The following USH2A variants were observed in gnomAD, a reference collection of about 807,000 sequenced individuals.
The protein encoded by USH2A is Usher syndrome 2A (autosomal recessive, mild).
In USH2A, 443 loss-of-function variants were observed where a neutral mutation model predicts 538.9. The ratio of observed to expected loss-of-function variants is 0.82; its 90% CI spans 0.76 to 0.89. The LOEUF is 0.89. USH2A is among the 40% of genes least tolerant of loss of function. The pLI is 0.00. For missense variants in USH2A, 6,633 were observed against 6,324.8 expected, an observed-to-expected ratio of 1.05 and a Z score of -1.65; for synonymous variants, 2,413 against 2,273.5, an observed-to-expected ratio of 1.06 and a Z score of -1.75.
intron 12 of USH2A, among the ~76,000 whole-genome samples, chr1:216,250,367 C>T (rs144372429): frequency 5.9e-5 from 9 of 152,014 alleles, no homozygotes; most frequent in African/African-American, 1.9e-4. Flanking sequence ...TTGTAAGTAA[C>T]CCTAGCAATA....
chr1:216,197,142 A>G (rs2034868296), intron 18 of USH2A, among the ~76,000 whole-genome samples: 2 of 152,156 alleles, frequency 1.3e-5, no homozygotes, highest in South Asian at 4.1e-4. Flanking sequence ...AGCCAATCCA[A>G]TGCAGCTGGC....
chr1:216,119,450 T>C (rs1373155704), intron 21 of USH2A, among the ~76,000 whole-genome samples: 2 of 151,552 alleles, frequency 1.3e-5, no homozygotes, highest in African/African-American at 2.4e-5. Context: ...ACATTATATA[T>C]ATGGTATACA....
At chr1:215,705,009 ATC>A (rs1659145805) in intron 61 of USH2A, among the ~76,000 whole-genome samples, 2 of 152,234 alleles carry the variant, frequency 1.3e-5, no homozygotes, top group Admixed American at 6.5e-5. Context: ...TGAATAAATT[ATC>A]TTTTATTTAA....
At position 216,232,145 on chromosome 1, in the gene USH2A, A is replaced by G. The variant is rs1206307261; in HGVS notation, c.2810-9T>C. 6.2e-7 allele frequency: 1 copy of G among 1,608,024 alleles called. No individual in the cohort carries two copies. The highest frequency in any genetic ancestry group is 1.3e-5 in the African/African-American group (1 of 74,360). On this transcript the variant is annotated splice_polypyrimidine_tract_variant and intron_variant, in intron 13 of 71. Coordinates refer to ENST00000307340, the MANE Select transcript of USH2A (RefSeq NM_206933.4). The stretch of plus-strand genomic sequence containing the variant: ...TGGAGAAATATAAAAACCTAGAAAT[A>G]AAGAAATTAAAAGTTTTATATATAC...
In USH2A at chr1:215,998,848, A is replaced by G. The variant is rs776477266; in HGVS notation, c.6657+39T>C. The G allele has an allele frequency of 2.7e-5, 43 of 1,603,524 alleles. 2 individuals carry two copies. In the Middle Eastern group the frequency reaches 3.0e-3, roughly 111 times the overall value. ...ACCACGGGAAGGGGAGAAGAAGTGG[A>G]AGGAATGGGGACAGAGAAAGTGATG... On this transcript the variant is annotated intron_variant, in intron 34 of 71. Transcript: ENST00000307340.
chr1:216,011,586 C>G (rs1000400488), intron 32 of USH2A, among the ~76,000 whole-genome samples: 9 of 152,096 alleles, frequency 5.9e-5, no homozygotes, highest in African/African-American at 1.9e-4. Context: ...CACCCTGTAG[C>G]CTTTCTGTCC....
intron 41 of USH2A, among the ~76,000 whole-genome samples, chr1:215,879,782 T>A (rs928324481): frequency 6.6e-5 from 10 of 152,242 alleles, no homozygotes; most frequent in African/African-American, 2.4e-4. Flanking sequence ...AATTCTAGAA[T>A]GTCTGAAGTT....
chr1:215,898,931 A>G (rs1665418298), intron 40 of USH2A, among the ~76,000 whole-genome samples: 1 of 152,180 alleles, frequency 6.6e-6, no homozygotes, highest in Non-Finnish European at 1.5e-5. Context: ...TGAGAACAAA[A>G]ACACTGAGTG....
At chr1:216,346,780 TCCTCTAAGGCTCCAC>T (rs1373105381) in intron 4 of USH2A, among the ~76,000 whole-genome samples, 1 of 151,670 alleles carries the variant, frequency 6.6e-6, no homozygotes, top group Non-Finnish European at 1.5e-5. Context: ...TTGGCTCTGT[TCCTCTAAGGCTCCAC>T]CCTGAAGCCA....
intron 70 of USH2A, chr1:215,630,160 T>C (rs1359594876): frequency 3.9e-6 from 2 of 509,134 alleles, no homozygotes; most frequent in Non-Finnish European, 7.9e-6. Flanking sequence ...ATGCAAAAGA[T>C]CATGCATTCA....
chr1:216,299,472 A>G (rs1041866021), intron 9 of USH2A, among the ~76,000 whole-genome samples: 38 of 152,112 alleles, frequency 2.5e-4, no homozygotes, highest in African/African-American at 8.7e-4. Context: ...ACAATAATAT[A>G]ATGCCTGAAA....
At chr1:216,413,537 T>C (rs2039527633) in intron 3 of USH2A, among the ~76,000 whole-genome samples, 1 of 152,104 alleles carries the variant, frequency 6.6e-6, no homozygotes, top group Admixed American at 6.6e-5. Flanking sequence ...CTTTCTTAGA[T>C]TGAATACATA....
intron 36 of USH2A, among the ~76,000 whole-genome samples, chr1:215,966,380 A>G (rs1667348848): frequency 6.6e-6 from 1 of 152,200 alleles, no homozygotes; most frequent in African/African-American, 2.4e-5. Context: ...TAGATATTTG[A>G]CCTTTCACAA....
At chr1:215,669,210 A>G (rs947083686) in intron 64 of USH2A, among the ~76,000 whole-genome samples, 1 of 152,178 alleles carries the variant, frequency 6.6e-6, no homozygotes, top group African/African-American at 2.4e-5. Context: ...TGCTGATTTC[A>G]TCCAGCTCTC....
At chr1:215,752,067 GTCTC>G (rs909464585) in intron 58 of USH2A, among the ~76,000 whole-genome samples, 5 of 151,888 alleles carry the variant, frequency 3.3e-5, no homozygotes, top group Admixed American at 2.0e-4. Context: ...AAGAAGAAAT[GTCTC>G]TCTCTCTCTG....
chr1:216,289,359 T>A lies in USH2A; in HGVS notation c.1892A>T (p.Asp631Val), dbSNP rs1308125723. The A allele has an allele frequency of 6.2e-7, 1 of 1,613,878 alleles. No individual in the cohort carries two copies. Among genetic ancestry groups the A allele is most frequent in the Non-Finnish European group, 8.5e-7 (1 of 1,179,880 alleles). ...KDYFFRQVGA[D>V]PSAIDVCKPC... The stretch of plus-strand genomic sequence containing the variant: ...TTTGCAAACATCTATGGCCGAAGGA[T>A]CTGCACCAACTTGTCGGAAAAAGTA... Residue 631 changes from aspartate to valine, a missense_variant, in exon 11 of 72, where the codon GAT becomes GTT. Coordinates refer to ENST00000307340, the MANE Select transcript of USH2A (RefSeq NM_206933.4).
intron 47 of USH2A, among the ~76,000 whole-genome samples, chr1:215,832,832 A>C (rs1663363681): frequency 6.6e-6 from 1 of 151,958 alleles, no homozygotes; most frequent in Admixed American, 6.6e-5. Context: ...CTAGGGAATT[A>C]CAAAAAAGCT....
intron 61 of USH2A, among the ~76,000 whole-genome samples, chr1:215,723,924 A>T (rs776159335): frequency 6.6e-6 from 1 of 152,180 alleles, no homozygotes; most frequent in African/African-American, 2.4e-5. Context: ...CAGCAGTCTC[A>T]CTACTGGGCA....
chr1:215,949,828 T>C (rs2102439498), intron 37 of USH2A, among the ~76,000 whole-genome samples: 1 of 152,250 alleles, frequency 6.6e-6, no homozygotes, highest in South Asian at 2.1e-4. Context: ...TAAGAATTAC[T>C]ATCTATATTA....
Sources: gnomAD v4.1 joint callset for allele counts (sites outside exome capture counted in the v4.1 genomes callset) on GRCh38, gnomAD v4.1.1 for gene constraint, MANE v1.5 for transcripts, NCBI Gene and HGNC (gene_info 2026-07-23, HGNC 2026-07-21) for gene names.